SPINK5: variants seen among roughly 807,000 people sequenced by gnomAD.
The protein encoded by SPINK5 is serine peptidase inhibitor Kazal type 5.
A neutral mutation model predicts 151.8 loss-of-function variants in SPINK5; 125 were observed. The ratio of observed to expected loss-of-function variants is 0.82; its 90% CI spans 0.71 to 0.96. The LOEUF (loss-of-function observed/expected upper bound fraction) is 0.96, where lower values mean the gene tolerates loss of function less well. Among genes scored for constraint, SPINK5 ranks in the 40% least tolerant of loss-of-function variants. SPINK5 has a pLI of 0.00. For missense variants in SPINK5, 1,194 were observed against 1,291.9 expected (o/e 0.92, Z 1.16); for synonymous variants, 374 against 395.3 (o/e 0.95, Z 0.64).
In SPINK5 at chr5:148,065,545, TCACACA is replaced by T. The variant is rs3036741; in HGVS notation, c.81+195_81+200del. The T allele has an allele frequency of 0.68, 413,443 of 607,738 alleles. 143,520 individuals carry two copies. Among genetic ancestry groups the T allele is most frequent in the East Asian group, 0.91 (31,660 of 34,850 alleles). The allele number at this position is 607,738 out of a possible 1,614,324, so 37.6% of individuals were successfully genotyped here. A position where few individuals can be genotyped will look rare whatever the true frequency, so the allele number is the denominator to read the frequency against. ...ATGAATCAGGACATGAGCCTCTCTC[TCACACA>T]CACACACACACACACACACACTCAA... On this transcript the variant is annotated intron_variant, in intron 2 of 32. Coordinates refer to ENST00000256084, the MANE Select transcript of SPINK5 (RefSeq NM_006846.4).
chr5:148,124,699 G>C, intron 27 of SPINK5, 66 bp from the exon 28 acceptor site: 3 of 1,263,006 alleles, frequency 2.4e-6, no homozygotes, highest in Non-Finnish European at 3.2e-6. Flanking sequence ...AGAAATACTT[G>C]GTTAAAGACA....
intron 15 of SPINK5, among the ~76,000 whole-genome samples, chr5:148,103,621 G>C (rs1753703445): frequency 6.6e-6 from 1 of 151,992 alleles, no homozygotes; most frequent in Admixed American, 6.6e-5. Flanking sequence ...CATAATTTTA[G>C]ATCTATTTTA....
At chr5:148,127,658 T>C (rs187868864) in intron 30 of SPINK5, among the ~76,000 whole-genome samples, 100 of 152,028 alleles carry the variant, frequency 6.6e-4, no homozygotes, top group African/African-American at 2.2e-3. Context: ...TTGAGACCAC[T>C]GTGGGCAACA....
Position 148,089,524 on chromosome 5 carries a change from A to G in SPINK5, c.505A>G (p.Arg169Gly), listed in dbSNP as rs1355074181. The change falls in exon 7 of 33, where the codon AGA (arginine) becomes GGA (glycine). Residue 169 changes from arginine (R) to glycine (G), a missense_variant. Physicochemically the swap from Arg to Gly is moderately radical, Grantham distance 125 (BLOSUM62 -2). Transcript: ENST00000256084. ...DVCSAFRPFVRDGRLGCTREN... is the reference protein window; with the variant it reads ...DVCSAFRPFVGDGRLGCTREN... ...ATGCAGTGCTTTTCGGCCCTTTGTTAGAGATGGAAGACTTGGATGCACAAG... is the reference window on the plus strand; with the variant it reads ...ATGCAGTGCTTTTCGGCCCTTTGTTGGAGATGGAAGACTTGGATGCACAAG... 4 of 1,611,862 alleles carry G rather than the reference A, an allele frequency of 2.5e-6. No individual in the cohort carries two copies. The highest frequency in any genetic ancestry group is 1.7e-4 in the Middle Eastern group (1 of 6,046).
chr5:148,077,068 C>A (rs1752900848), intron 4 of SPINK5, among the ~76,000 whole-genome samples: 1 of 150,890 alleles, frequency 6.6e-6, no homozygotes, highest in African/African-American at 2.4e-5. Context: ...GAAACAATGG[C>A]CTAAGATGCC....
In SPINK5 at chr5:148,133,495, A is replaced by G. The variant is rs548890617; in HGVS notation, c.3096-302A>G. 2.6e-5 allele frequency among the ~76,000 whole-genome samples: 4 copies of G among 152,316 alleles called. No homozygotes were observed. In the East Asian group the frequency reaches 7.7e-4, roughly 29 times the overall value. Reference sequence around the variant, plus strand: ...TCTCTGGGATCTGATTCTCGCATCTATAAATGCGAGATCACCTTTAGACCA... The same window carrying G: ...TCTCTGGGATCTGATTCTCGCATCTGTAAATGCGAGATCACCTTTAGACCA... On this transcript the variant is annotated intron_variant, in intron 31 of 32. Transcript: ENST00000256084.
At chr5:148,095,494 A>C (rs1385555645) in intron 9 of SPINK5, among the ~76,000 whole-genome samples, 1 of 152,070 alleles carries the variant, frequency 6.6e-6, no homozygotes, top group Non-Finnish European at 1.5e-5. Flanking sequence ...GCTGTATAAG[A>C]GAAGACTATT....
At chr5:148,091,046 G>A (rs1450606551) in intron 7 of SPINK5, 119 bp from the exon 8 acceptor site, 2 of 863,000 alleles carry the variant, frequency 2.3e-6, no homozygotes, top group Non-Finnish European at 3.8e-6. Context: ...CTTGTCTCTT[G>A]TAAGAGGATC....
At chr5:148,134,513 C>T (rs959519148) in intron 32 of SPINK5, among the ~76,000 whole-genome samples, 3 of 152,164 alleles carry the variant, frequency 2.0e-5, no homozygotes, top group African/African-American at 4.8e-5. Context: ...TGTGCTTATA[C>T]GAGACTCTTG....
At chr5:148,089,435 A>G in intron 6 of SPINK5, 59 bp from the exon 7 acceptor site, 1 of 1,610,202 alleles carries the variant, frequency 6.2e-7, no homozygotes, top group Non-Finnish European at 8.5e-7. Flanking sequence ...AATTTCTGAA[A>G]ACAGTGTTGT....
At chr5:148,092,853 T>C (rs183569510) in intron 8 of SPINK5, among the ~76,000 whole-genome samples, 5 of 151,922 alleles carry the variant, frequency 3.3e-5, no homozygotes, top group Non-Finnish European at 7.4e-5. Context: ...GCAGTTAGGA[T>C]TCTCTGTTAA....
intron 2 of SPINK5, among the ~76,000 whole-genome samples, chr5:148,068,546 T>G (rs1413329563): frequency 5.8e-5 from 6 of 103,196 alleles, no homozygotes; most frequent in African/African-American, 2.5e-4. Flanking sequence ...AGTGAGACCC[T>G]GCCTCTCCAA....
chr5:148,064,241 G>A, intron 1 of SPINK5, 142 bp downstream of exon 1: 1 of 863,020 alleles, frequency 1.2e-6, no homozygotes, highest in Non-Finnish European at 1.9e-6. Flanking sequence ...ACAGAGTTCT[G>A]AAGATTTATA....
chr5:148,124,719 C>T, intron 27 of SPINK5, 46 bp from the exon 28 acceptor site: 1 of 1,455,862 alleles, frequency 6.9e-7, no homozygotes, highest in Middle Eastern at 2.2e-4. Flanking sequence ...AATTCAGTAA[C>T]AACCCTTGAA....
intron 29 of SPINK5, among the ~76,000 whole-genome samples, chr5:148,126,571 TTTTATTTA>T (rs78833989): frequency 0.17 from 24,986 of 149,650 alleles, 2,993 homozygotes; most frequent in African/African-American, 0.32. Context: ...TGTGATTCTG[TTTTATTTA>T]TTTATTTATT....
intron 32 of SPINK5, among the ~76,000 whole-genome samples, chr5:148,136,218 A>G (rs1019966718): frequency 1.3e-5 from 2 of 152,168 alleles, no homozygotes; most frequent in Admixed American, 6.5e-5. Context: ...AAATTTCTAT[A>G]TTAAGAAAAA....
intron 16 of SPINK5, 35 bp from the exon 17 acceptor site, chr5:148,107,002 A>G (rs1753798774): frequency 6.2e-7 from 1 of 1,606,936 alleles, no homozygotes; most frequent in South Asian, 1.1e-5. Context: ...AAGGATAGAA[A>G]ACTACTCTGA....
At chr5:148,068,600 A>AAGAAAGAG (rs1554101981) in intron 2 of SPINK5, among the ~76,000 whole-genome samples, 2 of 151,124 alleles carry the variant, frequency 1.3e-5, no homozygotes, top group African/African-American at 4.9e-5. Context: ...GAAAGAAAGA[A>AAGAAAGAG]AAAACAAGCA....
At chr5:148,124,667 A>AATTGCTAATG (rs1754381499) in intron 27 of SPINK5, 98 bp from the exon 28 acceptor site, 1 of 900,412 alleles carries the variant, frequency 1.1e-6, no homozygotes, top group Non-Finnish European at 1.6e-6. Context: ...ACAGTGTTAG[A>AATTGCTAATG]TTTGCTAATG....
Sources: gnomAD v4.1 joint callset for allele counts (sites outside exome capture counted in the v4.1 genomes callset) on GRCh38, gnomAD v4.1.1 for gene constraint, MANE v1.5 for transcripts, NCBI Gene and HGNC (gene_info 2026-07-23, HGNC 2026-07-21) for gene names.